The following CDH9 variants were observed in gnomAD, a reference collection of about 807,000 sequenced individuals.
CDH9 encodes cadherin 9, also known as cadherin-9.
Under a neutral mutation model 70.9 loss-of-function variants are expected in CDH9, and 28 were observed. The ratio of observed to expected loss-of-function variants is 0.40; its 90% CI spans 0.29 to 0.54. CDH9 has a LOEUF of 0.54. Ranked by LOEUF, CDH9 falls within the 20% of genes least tolerant of loss-of-function variation. CDH9 has a pLI of 0.59. For missense variants in CDH9, 874 were observed against 984.4 expected, an observed-to-expected ratio of 0.89 and a Z score of 1.50; for synonymous variants, 409 against 343.1, an observed-to-expected ratio of 1.19 and a Z score of -2.12.
chr5:26,922,921 G>T (rs1741269751), intron 2 of CDH9, among the ~76,000 whole-genome samples: 1 of 151,506 alleles, frequency 6.6e-6, no homozygotes, highest in Non-Finnish European at 1.5e-5. Flanking sequence ...TTAGTGTGGA[G>T]TGGATAATGA....
intron 2 of CDH9, among the ~76,000 whole-genome samples, chr5:26,953,534 C>A (rs1741889560): frequency 6.6e-6 from 1 of 152,210 alleles, no homozygotes; most frequent in South Asian, 2.1e-4. Context: ...ACATCTCTAT[C>A]CTGACTGTTC....
At chr5:26,977,155 C>A (rs1482039529) in intron 2 of CDH9, among the ~76,000 whole-genome samples, 1 of 151,878 alleles carries the variant, frequency 6.6e-6, no homozygotes, top group Non-Finnish European at 1.5e-5. Flanking sequence ...AACTTAAATT[C>A]AAAATTCAAT....
At chr5:26,911,884 A>G (rs1227325092) in intron 3 of CDH9, among the ~76,000 whole-genome samples, 3 of 152,142 alleles carry the variant, frequency 2.0e-5, no homozygotes, top group Non-Finnish European at 4.4e-5. Context: ...TCCAATGTGA[A>G]ATATGGCATA....
At chr5:26,998,594 G>A (rs941807619) in intron 1 of CDH9, among the ~76,000 whole-genome samples, 12 of 151,960 alleles carry the variant, frequency 7.9e-5, no homozygotes, top group Non-Finnish European at 1.2e-4. Context: ...GTGGGGAGAC[G>A]GGGGAGGGAT....
Position 26,899,462 on chromosome 5 carries a change from T to G in CDH9, c.1253+3014A>C, listed in dbSNP as rs554526765. Among the ~76,000 whole-genome samples, 3 of 152,078 alleles carry G rather than the reference T, an allele frequency of 2.0e-5. No individual in the cohort carries two copies. The East Asian group carries it at 5.8e-4, about 29-fold the overall frequency. ...AGACTGTATATACACCATGGAATAC[T>G]ATGCAGCCATAAAAATAATGAGGTC... On this transcript the variant is annotated intron_variant, in intron 7 of 11. Coordinates refer to ENST00000231021, the MANE Select transcript of CDH9 (RefSeq NM_016279.4).
chr5:26,999,426 T>C (rs760102163), intron 1 of CDH9, among the ~76,000 whole-genome samples: 2 of 152,260 alleles, frequency 1.3e-5, no homozygotes, highest in Non-Finnish European at 1.5e-5. Context: ...ATAAATTTAA[T>C]GGCAAATGTT....
intron 1 of CDH9, among the ~76,000 whole-genome samples, chr5:26,998,665 G>A (rs948634002): frequency 1.3e-5 from 2 of 151,874 alleles, no homozygotes; most frequent in African/African-American, 4.8e-5. Context: ...CACCAACATG[G>A]GACATGTATA....
chr5:27,007,978 A>T (rs370526496), intron 1 of CDH9, among the ~76,000 whole-genome samples: 1 of 152,206 alleles, frequency 6.6e-6, no homozygotes, highest in East Asian at 1.9e-4. Flanking sequence ...AAAAAAAAAG[A>T]CACTTACATT....
At chr5:26,947,660 A>T (rs1364288334) in intron 2 of CDH9, among the ~76,000 whole-genome samples, 1 of 152,220 alleles carries the variant, frequency 6.6e-6, no homozygotes, top group Non-Finnish European at 1.5e-5. Flanking sequence ...CATTGAAATA[A>T]GGAAAGAGCA....
chr5:26,988,031 G>A (rs1742515939), intron 2 of CDH9, 75 bp downstream of exon 2: 1 of 1,047,574 alleles, frequency 9.5e-7, no homozygotes, highest in Non-Finnish European at 1.4e-6. Context: ...AATCACTAGT[G>A]AAAAGAAAAG....
chr5:26,929,729 T>C (rs186078106), intron 2 of CDH9, among the ~76,000 whole-genome samples: 1 of 152,086 alleles, frequency 6.6e-6, no homozygotes, highest in Non-Finnish European at 1.5e-5. Context: ...TTAAGTGGAA[T>C]GAGCCAGGCA....
intron 6 of CDH9, 99 bp downstream of exon 6, chr5:26,903,538 G>T: frequency 2.4e-6 from 2 of 828,624 alleles, no homozygotes; most frequent in Non-Finnish European, 4.3e-6. Context: ...GCATGTAAAA[G>T]ATGGGGGAAA....
At position 27,005,040 on chromosome 5, in the gene CDH9, GA is replaced by G. The variant is rs1283279489; in HGVS notation, c.-49-16659del. ...TTTGATATTCAGCTAATATGCTGGG[GA>G]AAAAGGCACAGACATGGACAGCATT... On this transcript the variant is annotated intron_variant, in intron 1 of 11. Transcript: ENST00000231021. 2.6e-5 allele frequency among the ~76,000 whole-genome samples: 4 copies of G among 152,164 alleles called. No individual in the cohort carries two copies. The East Asian group carries it at 7.7e-4, about 29-fold the overall frequency.
intron 2 of CDH9, among the ~76,000 whole-genome samples, chr5:26,977,495 A>T (rs892973771): frequency 6.7e-6 from 1 of 149,252 alleles, no homozygotes; most frequent in Admixed American, 6.6e-5. Context: ...GTATATATAT[A>T]TATATATATA....
At chr5:26,920,309 A>T (rs1561195345) in intron 2 of CDH9, among the ~76,000 whole-genome samples, 1 of 151,234 alleles carries the variant, frequency 6.6e-6, no homozygotes, top group Non-Finnish European at 1.5e-5. Flanking sequence ...AGACTGAGGG[A>T]TTTTTTCATG....
chr5:26,961,800 C>T (rs1742041007), intron 2 of CDH9, among the ~76,000 whole-genome samples: 2 of 152,094 alleles, frequency 1.3e-5, no homozygotes, highest in Non-Finnish European at 2.9e-5. Flanking sequence ...AAACCTAGCA[C>T]CATGAGTGCA....
At chr5:26,994,493 G>A (rs754619130) in intron 1 of CDH9, among the ~76,000 whole-genome samples, 2 of 151,936 alleles carry the variant, frequency 1.3e-5, no homozygotes, top group African/African-American at 4.8e-5. Flanking sequence ...GGACATGAAG[G>A]TACCTGAGCT....
At chr5:26,894,601 A>C (rs563190250) in intron 7 of CDH9, among the ~76,000 whole-genome samples, 10 of 152,114 alleles carry the variant, frequency 6.6e-5, no homozygotes, top group African/African-American at 2.4e-4. Context: ...CTCAGAGATA[A>C]TTTTCTTTTA....
At chr5:26,959,103 A>G (rs1579477352) in intron 2 of CDH9, among the ~76,000 whole-genome samples, 1 of 152,306 alleles carries the variant, frequency 6.6e-6, no homozygotes, top group East Asian at 1.9e-4. Context: ...TGCAAAACAT[A>G]TATCTTACAA....
Sources: allele counts gnomAD v4.1 joint callset (sites outside exome capture counted in the v4.1 genomes callset), GRCh38; gene constraint gnomAD v4.1.1; transcripts MANE v1.5; gene names NCBI Gene and HGNC (gene_info 2026-07-23, HGNC 2026-07-21).